Variants in IQSEC1 observed in about 807,000 individuals in gnomAD.
IQSEC1 encodes the protein IQ motif and SEC7 domain-containing protein 1.
Under a neutral mutation model 91.0 loss-of-function variants are expected in IQSEC1, and 31 were observed. The observed-to-expected ratio is 0.34, with a 90% confidence interval of 0.26 to 0.46. The LOEUF (loss-of-function observed/expected upper bound fraction) is 0.46, where lower values mean the gene tolerates loss of function less well. IQSEC1 is among the 20% of genes least tolerant of loss of function. IQSEC1 has a pLI of 1.00. For missense variants in IQSEC1, 1,388 were observed against 1,575.6 expected (o/e 0.88, Z 2.02); for synonymous variants, 699 against 662.6 (o/e 1.05, Z -0.84).
At chr3:13,260,714 C>G (rs1695367869) in intron 1 of IQSEC1, among the ~76,000 whole-genome samples, 1 of 152,210 alleles carries the variant, frequency 6.6e-6, no homozygotes, top group South Asian at 2.1e-4. Flanking sequence ...CCACGATGGC[C>G]AAGAAGCTGA....
At chr3:13,096,821 C>A (rs906303213) in intron 2 of IQSEC1, among the ~76,000 whole-genome samples, 9 of 152,090 alleles carry the variant, frequency 5.9e-5, no homozygotes, top group African/African-American at 2.2e-4. Flanking sequence ...TTAATGAGCA[C>A]CTGCTGTGCA....
chr3:13,149,170 C>G, intron 2 of IQSEC1, among the ~76,000 whole-genome samples: 1 of 152,198 alleles, frequency 6.6e-6, no homozygotes, highest in East Asian at 1.9e-4. Flanking sequence ...TGAGTGCAGG[C>G]CCCCCACATC....
chr3:13,015,813 C>T (rs1483473816), intron 1 of IQSEC1: 2 of 780,874 alleles, frequency 2.6e-6, no homozygotes, highest in Non-Finnish European at 3.1e-6. Flanking sequence ...GGGCTCCTTC[C>T]AGGTCTGGCA....
At chr3:13,012,599 G>C (rs903346789) in intron 1 of IQSEC1, among the ~76,000 whole-genome samples, 1 of 152,224 alleles carries the variant, frequency 6.6e-6, no homozygotes, top group Non-Finnish European at 1.5e-5. Context: ...CGAATGAAAG[G>C]AAATGCCTAA....
chr3:13,145,798 C>T (rs1276189394), intron 2 of IQSEC1, among the ~76,000 whole-genome samples: 5 of 12,080 alleles, frequency 4.1e-4, no homozygotes, highest in East Asian at 1.1e-3. Flanking sequence ...CCTGGGCGCC[C>T]GGGGGCGGGG....
rs1280933545 is a variant in IQSEC1 at position 12,909,006 on chromosome 3, G to A, written c.2578+267C>T. Among the ~76,000 whole-genome samples, 2 of 152,156 alleles carry A rather than the reference G, an allele frequency of 1.3e-5. No individual in the cohort carries two copies. Among genetic ancestry groups the A allele is most frequent in the African/African-American group, 4.8e-5 (2 of 41,438 alleles). ...GAGAGGCCAGCTGGGAACTCTGCGG[G>A]CTCTTGCGCACGGGATGACCAGAGA... On this transcript the variant is annotated intron_variant, in intron 11 of 13. Coordinates refer to ENST00000613206, the MANE Select transcript of IQSEC1 (RefSeq NM_001134382.3). The surrounding 1 kb of genome is among the most constrained non-coding windows in gnomAD (Gnocchi z 4.9).
At position 12,941,657 on chromosome 3, in the gene IQSEC1, G is replaced by T. The variant is rs777798451; in HGVS notation, c.232C>A (p.Arg78Ser). 2 of 1,612,884 alleles carry T rather than the reference G, an allele frequency of 1.2e-6. No homozygotes were observed. Among genetic ancestry groups the T allele is most frequent in the East Asian group, 2.2e-5 (1 of 44,882 alleles). ...ATGGCCTCCTCCTCAGCCTGCTTGC[G>T]CAGGATGGAGGTCGAGTGCTGCAGC... is the stretch of plus-strand genomic sequence containing the variant. ...PKLQHSTSIL[R>S]KQAEEEAIKR... Residue 78 changes from arginine (R) to serine (S), a missense_variant, in exon 2 of 14, where the codon CGC (arginine) becomes AGC (serine). Physicochemically the swap from Arg to Ser is moderately radical, Grantham distance 110. Around this residue, in one of 2 missense-constraint regions of IQSEC1, gnomAD observed 1,059 missense variants for 1,317.8 expected, o/e 0.80. Coordinates refer to ENST00000613206, the MANE Select transcript of IQSEC1 (RefSeq NM_001134382.3).
intron 2 of IQSEC1, among the ~76,000 whole-genome samples, chr3:12,938,673 G>A (rs1033820624): frequency 2.6e-5 from 4 of 152,298 alleles, no homozygotes; most frequent in Middle Eastern, 6.8e-3. Context: ...GATCTAGGAA[G>A]CCTTTCTTCC....
At position 13,023,356 on chromosome 3, in the gene IQSEC1, G is replaced by T. The variant is rs370010922; in HGVS notation, c.23+49636C>A. Among the ~76,000 whole-genome samples the T allele has an allele frequency of 7.9e-5, 12 of 152,238 alleles. No individual in the cohort carries two copies. The East Asian group carries it at 2.3e-3, about 29-fold the overall frequency. ...GGCCCAGCCCAGGCCAGGCAGCTGG[G>T]GCTTCCCAGGCAGGGCCCCCAGGGA... On this transcript the variant is annotated intron_variant, in intron 1 of 13. Transcript: ENST00000613206.
intron 1 of IQSEC1, among the ~76,000 whole-genome samples, chr3:13,243,006 T>A (rs1297149003): frequency 6.6e-6 from 1 of 152,084 alleles, no homozygotes; most frequent in Non-Finnish European, 1.5e-5. Context: ...CTTGAGAGGG[T>A]TCCGCCAACC....
chr3:13,138,358 G>A (rs943475256), intron 2 of IQSEC1, among the ~76,000 whole-genome samples: 1 of 151,970 alleles, frequency 6.6e-6, no homozygotes, highest in African/African-American at 2.4e-5. Flanking sequence ...GTGTCTCGGT[G>A]CCTCCCGAGA....
At chr3:13,254,294 C>T (rs1449600877) in intron 1 of IQSEC1, among the ~76,000 whole-genome samples, 1 of 152,208 alleles carries the variant, frequency 6.6e-6, no homozygotes, top group African/African-American at 2.4e-5. Context: ...CACTGGGGTC[C>T]TGAGGCCTCG....
At chr3:12,931,431 G>A (rs1245188844) in intron 3 of IQSEC1, among the ~76,000 whole-genome samples, 1 of 152,232 alleles carries the variant, frequency 6.6e-6, no homozygotes, top group Non-Finnish European at 1.5e-5. Context: ...CAGCCTCGCT[G>A]CCTGCACCTA....
At chr3:13,228,199 C>T (rs1694789210) in intron 1 of IQSEC1, among the ~76,000 whole-genome samples, 2 of 152,124 alleles carry the variant, frequency 1.3e-5, no homozygotes, top group African/African-American at 4.8e-5. Context: ...GCTGATGACG[C>T]GAGCTAAGAA....
chr3:12,971,740 A>T (rs921039108), intron 1 of IQSEC1, among the ~76,000 whole-genome samples: 3 of 151,816 alleles, frequency 2.0e-5, no homozygotes, highest in Non-Finnish European at 4.4e-5. Flanking sequence ...ACCAAAAAAA[A>T]TTTTTTAAAC....
chr3:13,174,246 C>T (rs1172748655), intron 1 of IQSEC1, among the ~76,000 whole-genome samples: 1 of 152,138 alleles, frequency 6.6e-6, no homozygotes, highest in South Asian at 2.1e-4. Flanking sequence ...GCAGCCACTG[C>T]GGTGCAGGTG....
intron 1 of IQSEC1, among the ~76,000 whole-genome samples, chr3:13,196,653 G>A (rs1225259837): frequency 1.3e-5 from 2 of 152,198 alleles, no homozygotes; most frequent in African/African-American, 2.4e-5. Flanking sequence ...AAGAACACAC[G>A]TTTCTGATTC....
chr3:13,242,765 T>C (rs998907500), intron 1 of IQSEC1, among the ~76,000 whole-genome samples: 2 of 152,122 alleles, frequency 1.3e-5, no homozygotes, highest in Admixed American at 6.5e-5. Context: ...GTGAAGCCCC[T>C]TCAGGCTTCA....
At chr3:13,139,735 T>G (rs2124934926) in intron 2 of IQSEC1, among the ~76,000 whole-genome samples, 1 of 152,250 alleles carries the variant, frequency 6.6e-6, no homozygotes, top group East Asian at 1.9e-4. Context: ...TTAAGGCAAG[T>G]CTCAAATGAG....
Sources: gnomAD v4.1 joint callset for allele counts (sites outside exome capture counted in the v4.1 genomes callset) on GRCh38, gnomAD v4.1.1 for gene constraint, gnomAD v4.1.1 regional missense constraint, Gnocchi (gnomAD v3.1) non-coding constraint, MANE v1.5 for transcripts, NCBI Gene and HGNC (gene_info 2026-07-23, HGNC 2026-07-21) for gene names.